The following ARHGAP42 variants were observed in gnomAD, a reference collection of about 807,000 sequenced individuals.
The protein encoded by ARHGAP42 is Rho GTPase activating protein 42, also known as rho GTPase-activating protein 42.
ARHGAP42 carries 63 observed loss-of-function variants against 125.0 expected under a neutral mutation model. The observed-to-expected ratio is 0.50, with a 90% confidence interval of 0.41 to 0.62. The LOEUF is 0.62. ARHGAP42 is among the 20% of genes least tolerant of loss of function. The probability of loss-of-function intolerance (pLI) is 0.00; values close to 1 mark genes in which losing one functional copy is unlikely to be tolerated. For synonymous variants in ARHGAP42, 339 were observed against 351.0 expected (o/e 0.97, Z 0.38); for missense variants, 766 against 1,024.2 (o/e 0.75, Z 3.44).
At chr11:100,955,912 A>G (rs1857793075) in intron 12 of ARHGAP42, among the ~76,000 whole-genome samples, 1 of 152,046 alleles carries the variant, frequency 6.6e-6, no homozygotes, top group Non-Finnish European at 1.5e-5. Flanking sequence ...GGCTTTGGAA[A>G]ACTGGTCATT....
intron 3 of ARHGAP42, among the ~76,000 whole-genome samples, chr11:100,817,824 CAGA>C (rs1864304919): frequency 1.3e-5 from 2 of 152,152 alleles, no homozygotes; most frequent in South Asian, 4.1e-4. Flanking sequence ...TTTAACCTCA[CAGA>C]AGATTACTCA....
At chr11:100,987,681 G>A in intron 23 of ARHGAP42, 89 bp downstream of exon 23, 1 of 1,230,286 alleles carries the variant, frequency 8.1e-7, no homozygotes, top group East Asian at 2.5e-5. Context: ...GTAGAAGCCA[G>A]AAGCCTCAGA....
chr11:100,699,502 ATATATTTTTTTTTTTTTTTTTTTTTTT>A (rs776516360), intron 1 of ARHGAP42, among the ~76,000 whole-genome samples: 2,317 of 41,000 alleles, frequency 0.057, 131 homozygotes, highest in African/African-American at 0.17. Context: ...ATATATATAT[ATATATTTTTTTTTTTTTTTTTTTTTTT>A]TTTTTTTTTT....
intron 3 of ARHGAP42, among the ~76,000 whole-genome samples, chr11:100,828,094 A>C (rs1332803777): frequency 6.6e-6 from 1 of 152,190 alleles, no homozygotes; most frequent in Non-Finnish European, 1.5e-5. Context: ...GGCTCTTAAC[A>C]TTCCAGGGGT....
intron 14 of ARHGAP42, among the ~76,000 whole-genome samples, chr11:100,961,191 T>C (rs1317590798): frequency 2.6e-5 from 4 of 152,276 alleles, no homozygotes; most frequent in South Asian, 4.1e-4. Flanking sequence ...GTATTTTTTT[T>C]CCCCAAGTGT....
intron 1 of ARHGAP42, among the ~76,000 whole-genome samples, chr11:100,727,425 G>C (rs1453768987): frequency 6.6e-6 from 1 of 152,138 alleles, no homozygotes; most frequent in Non-Finnish European, 1.5e-5. Flanking sequence ...GGTGATAGGA[G>C]CATCGTTTGT....
chr11:100,687,858 A>C, intron 1 of ARHGAP42, 26 bp downstream of exon 1: 1 of 1,532,492 alleles, frequency 6.5e-7, no homozygotes, highest in Non-Finnish European at 8.8e-7. Context: ...GGGGGAGTGG[A>C]CACCCGCATC....
intron 4 of ARHGAP42, among the ~76,000 whole-genome samples, chr11:100,904,532 C>T (rs574676969): frequency 5.3e-4 from 80 of 152,292 alleles, no homozygotes; most frequent in African/African-American, 1.9e-3. Flanking sequence ...TAGGCATGAG[C>T]CACCATGCCC....
intron 4 of ARHGAP42, among the ~76,000 whole-genome samples, chr11:100,869,199 A>G (rs10488787): frequency 0.27 from 41,657 of 151,784 alleles, 6,107 homozygotes; most frequent in South Asian, 0.5. Flanking sequence ...ACACTATACA[A>G]CTTATGGAAC....
intron 8 of ARHGAP42, among the ~76,000 whole-genome samples, chr11:100,936,992 G>A (rs541459411): frequency 2.6e-5 from 4 of 152,310 alleles, no homozygotes; most frequent in South Asian, 2.1e-4. Flanking sequence ...CATCATTCTC[G>A]TGCTGTTTTT....
chr11:100,824,174 A>C (rs1839198969), intron 3 of ARHGAP42, among the ~76,000 whole-genome samples: 2 of 152,180 alleles, frequency 1.3e-5, no homozygotes, highest in South Asian at 2.1e-4. Flanking sequence ...AGCCTCTGGA[A>C]GTGAAACTGT....
intron 22 of ARHGAP42, among the ~76,000 whole-genome samples, chr11:100,981,526 T>G (rs1858544216): frequency 1.3e-5 from 2 of 152,196 alleles, no homozygotes; most frequent in South Asian, 4.1e-4. Flanking sequence ...ACTAGCCATA[T>G]TTTGGAAAGA....
intron 2 of ARHGAP42, among the ~76,000 whole-genome samples, chr11:100,788,113 T>A (rs1863478350): frequency 2.0e-5 from 3 of 152,226 alleles, no homozygotes; most frequent in Admixed American, 2.0e-4. Flanking sequence ...AACTTTGTAA[T>A]TACTCAAATA....
chr11:100,921,358 C>T (rs1867263244), intron 5 of ARHGAP42, 136 bp from the exon 6 acceptor site: 3 of 589,388 alleles, frequency 5.1e-6, no homozygotes, highest in Non-Finnish European at 8.7e-6. Context: ...ACTATAAGCT[C>T]CTGTAGGCAA....
At chr11:100,843,947 T>A (rs1865003071) in intron 3 of ARHGAP42, among the ~76,000 whole-genome samples, 1 of 151,726 alleles carries the variant, frequency 6.6e-6, no homozygotes, top group African/African-American at 2.4e-5. Context: ...ATAAAAAAAA[T>A]CCTAAAATTC....
intron 3 of ARHGAP42, among the ~76,000 whole-genome samples, chr11:100,837,685 T>TTTTTTTTA (rs1864837252): frequency 1.5e-5 from 2 of 131,424 alleles, no homozygotes; most frequent in African/African-American, 2.8e-5. Flanking sequence ...TTTTTTTTTT[T>TTTTTTTTA]TTTTTTTTTT....
intron 3 of ARHGAP42, among the ~76,000 whole-genome samples, chr11:100,831,563 A>G (rs1175571271): frequency 6.6e-6 from 1 of 152,126 alleles, no homozygotes; most frequent in Non-Finnish European, 1.5e-5. Flanking sequence ...TGGCCTTTGT[A>G]TAGGGAAGCT....
chr11:100,907,384 C>T (rs1046326949), intron 4 of ARHGAP42, among the ~76,000 whole-genome samples: 6 of 152,118 alleles, frequency 3.9e-5, no homozygotes, highest in African/African-American at 1.4e-4. Context: ...CCTTTGGTTC[C>T]TGTGAGTTTG....
At chr11:100,741,779 G>A (rs1862192200) in intron 1 of ARHGAP42, among the ~76,000 whole-genome samples, 1 of 152,132 alleles carries the variant, frequency 6.6e-6, no homozygotes, top group Non-Finnish European at 1.5e-5. Flanking sequence ...AAATAACTTA[G>A]TTTGAGAAGT....
Sources: gnomAD v4.1 joint callset for allele counts (sites outside exome capture counted in the v4.1 genomes callset) on GRCh38, gnomAD v4.1.1 for gene constraint, MANE v1.5 for transcripts, NCBI Gene and HGNC (gene_info 2026-07-23, HGNC 2026-07-21) for gene names.